Variants in CUL3 observed in about 807,000 individuals in gnomAD.
CUL3 encodes cullin 3.
A neutral mutation model predicts 89.1 loss-of-function variants in CUL3; 19 were observed. The ratio of observed to expected loss-of-function variants is 0.21; its 90% CI spans 0.15 to 0.31. The LOEUF (loss-of-function observed/expected upper bound fraction) is 0.31. CUL3 is among the 10% of genes least tolerant of loss of function. The pLI is 1.00. For synonymous variants in CUL3, 351 were observed against 308.4 expected (o/e 1.14, Z -1.45); for missense variants, 469 against 942.3 (o/e 0.50, Z 6.58).
intron 13 of CUL3, 37 bp from the exon 14 acceptor site, chr2:224,482,115 GA>G (rs1691556690): frequency 1.3e-6 from 2 of 1,532,194 alleles, no homozygotes; most frequent in Non-Finnish European, 8.8e-7. Context: ...TAGACTTTTT[GA>G]AAGATTAAAG....
intron 2 of CUL3, among the ~76,000 whole-genome samples, chr2:224,540,685 C>T (rs1694070352): frequency 6.6e-6 from 1 of 151,930 alleles, no homozygotes; most frequent in East Asian, 1.9e-4. Flanking sequence ...CTTTTTTCTT[C>T]TAAAAAACAA....
chr2:224,568,504 T>C (rs1361663403), intron 1 of CUL3, among the ~76,000 whole-genome samples: 2 of 152,232 alleles, frequency 1.3e-5, no homozygotes, highest in Admixed American at 6.5e-5. Flanking sequence ...AACTTTTTAC[T>C]TATAAGGCAC....
intron 3 of CUL3, among the ~76,000 whole-genome samples, chr2:224,518,361 T>C (rs561284399): frequency 6.6e-6 from 1 of 152,238 alleles, no homozygotes; most frequent in Non-Finnish European, 1.5e-5. Flanking sequence ...CACATTTTGC[T>C]TATCTATAAG....
intron 14 of CUL3, chr2:224,479,133 T>C (rs920403841): frequency 2.1e-4 from 32 of 152,080 alleles, no homozygotes; most frequent in African/African-American, 7.5e-4. Flanking sequence ...CAAAAGGAGA[T>C]AGATGTGAAG....
At chr2:224,581,290 G>A (rs1017229186) in intron 1 of CUL3, among the ~76,000 whole-genome samples, 3 of 151,640 alleles carry the variant, frequency 2.0e-5, no homozygotes, top group Non-Finnish European at 4.4e-5. Context: ...AGCTACTTGG[G>A]GAGGCTGAGG....
intron 2 of CUL3, among the ~76,000 whole-genome samples, chr2:224,538,070 T>C (rs1457835355): frequency 6.6e-6 from 1 of 152,238 alleles, no homozygotes; most frequent in East Asian, 1.9e-4. Context: ...CTCAAAAAAT[T>C]ATCCTGACCA....
chr2:224,471,112 G>A lies in CUL3; in HGVS notation c.*3133C>T, dbSNP rs1261784813. ...TATTTCTGCTTTGAGGACTAGAAAT[G>A]ACTTCTAATTTTGCTGACCTGAAAT... On this transcript the variant is annotated 3_prime_UTR_variant, in exon 16 of 16. Coordinates refer to ENST00000264414, the MANE Select transcript of CUL3 (RefSeq NM_003590.5). 41 of 220,172 alleles carry A rather than the reference G, an allele frequency of 1.9e-4. No individual in the cohort carries two copies. The Admixed American group carries it at 2.4e-3, about 13-fold the overall frequency. The allele number at this position is 220,172 out of a possible 1,614,324, so 13.6% of individuals were successfully genotyped here. A position where few individuals can be genotyped will look rare whatever the true frequency, so the allele number is the denominator to read the frequency against.
At position 224,565,223 on chromosome 2, in the gene CUL3, A is replaced by G. The variant is rs1328398222; in HGVS notation, c.67-7367T>C. 3.3e-5 allele frequency among the ~76,000 whole-genome samples: 5 copies of G among 152,360 alleles called. No homozygotes were observed. In the South Asian group the frequency reaches 8.3e-4, roughly 25 times the overall value. On this transcript the variant is annotated intron_variant, in intron 1 of 15. Coordinates refer to ENST00000264414, the MANE Select transcript of CUL3 (RefSeq NM_003590.5). The stretch of plus-strand genomic sequence containing the variant: ...TACATGTATTACACACCGTATTCTT[A>G]GAATAAAGAGAAAAAATATTAAGAA...
intron 6 of CUL3, among the ~76,000 whole-genome samples, chr2:224,510,939 AG>A (rs981045300): frequency 6.6e-6 from 1 of 152,186 alleles, no homozygotes; most frequent in African/African-American, 2.4e-5. Context: ...TAAATCCCAA[AG>A]GAAAGTCTAC....
intron 10 of CUL3, 74 bp from the exon 11 acceptor site, chr2:224,500,561 T>A (rs532867546): frequency 6.9e-7 from 1 of 1,441,890 alleles, no homozygotes; most frequent in Admixed American, 1.9e-5. Context: ...AGACATTGTG[T>A]TAGATTTACC....
intron 6 of CUL3, among the ~76,000 whole-genome samples, chr2:224,508,416 A>C (rs1168964064): frequency 6.6e-6 from 1 of 152,186 alleles, no homozygotes; most frequent in African/African-American, 2.4e-5. Context: ...AAATGCAACA[A>C]TCTATGGACA....
At chr2:224,576,694 G>C (rs1248980859) in intron 1 of CUL3, among the ~76,000 whole-genome samples, 2 of 147,672 alleles carry the variant, frequency 1.4e-5, no homozygotes, top group Non-Finnish European at 3.0e-5. Flanking sequence ...AAAAGGGGGG[G>C]GGGGGAGGAG....
At chr2:224,568,269 G>A (rs193188856) in intron 1 of CUL3, among the ~76,000 whole-genome samples, 36 of 152,166 alleles carry the variant, frequency 2.4e-4, no homozygotes, top group African/African-American at 7.2e-4. Context: ...GTGTATTTTC[G>A]TTTATATGGG....
At chr2:224,524,008 A>C (rs1358691022) in intron 3 of CUL3, among the ~76,000 whole-genome samples, 1 of 152,148 alleles carries the variant, frequency 6.6e-6, no homozygotes, top group Non-Finnish European at 1.5e-5. Flanking sequence ...CTGTACAACA[A>C]TGTGAACGTA....
chr2:224,559,011 C>T (rs1353148304), intron 1 of CUL3, among the ~76,000 whole-genome samples: 1 of 151,118 alleles, frequency 6.6e-6, no homozygotes, highest in Non-Finnish European at 1.5e-5. Context: ...AGCCAAGATC[C>T]CGCCACTGCA....
chr2:224,491,148 TGTC>T (rs1243935805), intron 13 of CUL3, among the ~76,000 whole-genome samples: 2 of 152,204 alleles, frequency 1.3e-5, no homozygotes, highest in Admixed American at 1.3e-4. Context: ...GGAATCAGCT[TGTC>T]GAGTTTTATT....
At chr2:224,542,245 T>C (rs547712153) in intron 2 of CUL3, among the ~76,000 whole-genome samples, 1 of 152,326 alleles carries the variant, frequency 6.6e-6, no homozygotes, top group East Asian at 1.9e-4. Context: ...CTATTCTTTG[T>C]TTCTGTGGAT....
intron 8 of CUL3, chr2:224,504,288 T>C (rs1692504936): frequency 6.6e-6 from 1 of 152,522 alleles, no homozygotes; most frequent in Non-Finnish European, 1.5e-5. Context: ...AAAAAGGCCA[T>C]TGCCCTTACT....
At chr2:224,491,725 G>A (rs1234497836) in intron 13 of CUL3, among the ~76,000 whole-genome samples, 1 of 152,084 alleles carries the variant, frequency 6.6e-6, no homozygotes, top group African/African-American at 2.4e-5. Context: ...ATGGCATTAA[G>A]GGCAATCCAT....
Sources: allele counts gnomAD v4.1 joint callset (sites outside exome capture counted in the v4.1 genomes callset), GRCh38; gene constraint gnomAD v4.1.1; transcripts MANE v1.5; gene names NCBI Gene and HGNC (gene_info 2026-07-23, HGNC 2026-07-21).